Variants in SNTG1 observed in about 807,000 individuals in gnomAD.
SNTG1 encodes syntrophin gamma 1.
SNTG1 carries 39 observed loss-of-function variants against 74.7 expected under a neutral mutation model. The observed-to-expected ratio is 0.52, with a 90% CI of 0.40 to 0.68. SNTG1 has a LOEUF of 0.68. Among genes scored for constraint, SNTG1 ranks in the 30% least tolerant of loss-of-function variants. The probability of loss-of-function intolerance (pLI) is 0.00; values close to 1 mark genes in which losing one functional copy is unlikely to be tolerated. For synonymous variants in SNTG1, 254 were observed against 217.1 expected, an observed-to-expected ratio of 1.17 and a Z score of -1.49; for missense variants, 685 against 609.5, an observed-to-expected ratio of 1.12 and a Z score of -1.30.
chr8:50,009,500 C>T (rs1815564742), intron 1 of SNTG1, among the ~76,000 whole-genome samples: 1 of 152,078 alleles, frequency 6.6e-6, no homozygotes, highest in Non-Finnish European at 1.5e-5. Context: ...AGCATTTTTG[C>T]ATGGGGGTTT....
At chr8:50,509,969 G>T (rs1290368390) in intron 9 of SNTG1, among the ~76,000 whole-genome samples, 4 of 152,080 alleles carry the variant, frequency 2.6e-5, no homozygotes, top group African/African-American at 9.7e-5. Context: ...TAGGAGTGGT[G>T]AGAGAGCATC....
intron 13 of SNTG1, among the ~76,000 whole-genome samples, chr8:50,637,828 T>C (rs2095048863): frequency 6.6e-6 from 1 of 152,142 alleles, no homozygotes; most frequent in Admixed American, 6.5e-5. Flanking sequence ...TATTGTTCAA[T>C]TAAATTACTG....
In SNTG1 at chr8:49,971,377, A is replaced by C. The variant is rs551463665; in HGVS notation, c.-103+59146A>C. ...TGACGGGACGTATCTCAAAATAATAAGAGCTATCTATGACAAACCCACAGC... is the reference window on the plus strand; with the variant it reads ...TGACGGGACGTATCTCAAAATAATACGAGCTATCTATGACAAACCCACAGC... On this transcript the variant is annotated intron_variant, in intron 1 of 18. Coordinates refer to ENST00000642720, the MANE Select transcript of SNTG1 (RefSeq NM_018967.5). Among the ~76,000 whole-genome samples the C allele has an allele frequency of 1.2e-4, 18 of 152,296 alleles. No individual in the cohort carries two copies. The South Asian group carries it at 3.7e-3, about 32-fold the overall frequency.
At chr8:50,557,049 C>A (rs1300097171) in intron 12 of SNTG1, among the ~76,000 whole-genome samples, 1 of 152,096 alleles carries the variant, frequency 6.6e-6, no homozygotes, top group Non-Finnish European at 1.5e-5. Context: ...ACAGGCTGTA[C>A]AGACAAGTTA....
In SNTG1 at chr8:50,435,211, C is replaced by T. The variant is rs192835841; in HGVS notation, c.163-3332C>T. Among the ~76,000 whole-genome samples the T allele has an allele frequency of 3.1e-3, 470 of 152,116 alleles. 8 individuals are homozygous for T. Among genetic ancestry groups the T allele is most frequent in the Admixed American group, 0.027 (412 of 15,268 alleles). On this transcript the variant is annotated intron_variant, in intron 4 of 18. Coordinates refer to ENST00000642720, the MANE Select transcript of SNTG1 (RefSeq NM_018967.5). ...GTCCGATATTAATCTTGGGCTCAAT[C>T]CTTTGCATTTTTGTAACGAAAAAGA...
chr8:50,333,228 T>C (rs1252704465), intron 2 of SNTG1, among the ~76,000 whole-genome samples: 1 of 152,230 alleles, frequency 6.6e-6, no homozygotes, highest in African/African-American at 2.4e-5. Flanking sequence ...TATCATAATT[T>C]ATAAAATGGG....
chr8:50,086,475 T>C (rs746708183), intron 1 of SNTG1, among the ~76,000 whole-genome samples: 1 of 152,168 alleles, frequency 6.6e-6, no homozygotes, highest in African/African-American at 2.4e-5. Flanking sequence ...AATCAATTAG[T>C]GTTGCCCTGC....
intron 4 of SNTG1, among the ~76,000 whole-genome samples, chr8:50,414,669 T>A (rs6995334): frequency 2.0e-5 from 3 of 151,810 alleles, no homozygotes; most frequent in African/African-American, 7.3e-5. Flanking sequence ...TTTTATTGTG[T>A]GTTGTCTTGG....
intron 1 of SNTG1, among the ~76,000 whole-genome samples, chr8:50,138,354 C>T (rs987294188): frequency 1.3e-5 from 2 of 151,952 alleles, no homozygotes; most frequent in Admixed American, 1.3e-4. Context: ...TGGTGGCTCA[C>T]ACCTATAATC....
intron 17 of SNTG1, among the ~76,000 whole-genome samples, chr8:50,741,332 A>G (rs1252548989): frequency 6.6e-6 from 1 of 152,004 alleles, no homozygotes; most frequent in Admixed American, 6.6e-5. Flanking sequence ...CATGTTGGCC[A>G]GGCTGGTCTT....
chr8:49,942,462 A>G (rs1373274409), intron 1 of SNTG1, among the ~76,000 whole-genome samples: 1 of 152,194 alleles, frequency 6.6e-6, no homozygotes, highest in Non-Finnish European at 1.5e-5. Flanking sequence ...TTAATAAACC[A>G]ATATCAATGC....
intron 13 of SNTG1, among the ~76,000 whole-genome samples, chr8:50,599,759 T>C (rs2094759205): frequency 1.3e-5 from 2 of 152,098 alleles, no homozygotes; most frequent in African/African-American, 2.4e-5. Context: ...CAAACAAGGA[T>C]AATTTGACTT....
intron 1 of SNTG1, among the ~76,000 whole-genome samples, chr8:49,947,340 C>G (rs558260767): frequency 1.3e-5 from 2 of 152,102 alleles, no homozygotes; most frequent in Non-Finnish European, 2.9e-5. Flanking sequence ...CCGTTTACAA[C>G]TTTTTCCCAG....
chr8:50,778,291 A>G (rs1021617828), intron 18 of SNTG1, among the ~76,000 whole-genome samples: 1 of 152,158 alleles, frequency 6.6e-6, no homozygotes, highest in African/African-American at 2.4e-5. Context: ...GACTTCCACA[A>G]TGGTTGAACT....
chr8:50,641,569 C>T (rs1362642076), intron 13 of SNTG1, among the ~76,000 whole-genome samples: 1 of 152,174 alleles, frequency 6.6e-6, no homozygotes, highest in Non-Finnish European at 1.5e-5. Flanking sequence ...CTACTGTCTC[C>T]AATTAGCCTC....
At chr8:50,598,001 T>C (rs1007618505) in intron 13 of SNTG1, among the ~76,000 whole-genome samples, 11 of 151,906 alleles carry the variant, frequency 7.2e-5, no homozygotes, top group African/African-American at 2.7e-4. Flanking sequence ...TTGTTGGTTA[T>C]TTCCTTTGAT....
In SNTG1 at chr8:50,517,616, CAAAAAAA is replaced by C. The variant is rs1161724778; in HGVS notation, c.467-12545_467-12539del. ...GAATATTTACCAAGCAAATGGAAAGCAAAAAAAAAAAAAAAAAAAAAATAGCAGGGGT... is the reference window on the plus strand; with the variant it reads ...GAATATTTACCAAGCAAATGGAAAGCAAAAAAAAAAAAAAATAGCAGGGGT... On this transcript the variant is annotated intron_variant, in intron 9 of 18. Coordinates refer to ENST00000642720, the MANE Select transcript of SNTG1 (RefSeq NM_018967.5). Among the ~76,000 whole-genome samples the C allele has an allele frequency of 3.3e-3, 207 of 62,356 alleles. 1 individual carries two copies. Among genetic ancestry groups the C allele is most frequent in the South Asian group, 0.026 (37 of 1,400 alleles). 40.9% of individuals were successfully genotyped at this position (62,356 alleles called of 152,430 possible). A position where few individuals can be genotyped will look rare whatever the true frequency, so the allele number is the denominator to read the frequency against.
intron 15 of SNTG1, among the ~76,000 whole-genome samples, chr8:50,698,108 A>G (rs1165076013): frequency 6.6e-6 from 1 of 151,890 alleles, no homozygotes; most frequent in Non-Finnish European, 1.5e-5. Context: ...AGATTTTTTT[A>G]TTGGATTTTA....
At chr8:50,657,738 G>T (rs1468257171) in intron 14 of SNTG1, among the ~76,000 whole-genome samples, 1 of 151,856 alleles carries the variant, frequency 6.6e-6, no homozygotes, top group Non-Finnish European at 1.5e-5. Context: ...TGTTGTACAG[G>T]TCTCTCTATA....
Sources: gnomAD v4.1 joint callset for allele counts (sites outside exome capture counted in the v4.1 genomes callset) on GRCh38, gnomAD v4.1.1 for gene constraint, MANE v1.5 for transcripts, NCBI Gene and HGNC (gene_info 2026-07-23, HGNC 2026-07-21) for gene names.